GOLGA1: variants seen among roughly 807,000 people sequenced by gnomAD.
The protein encoded by GOLGA1 is golgin subfamily A member 1.
GOLGA1 carries 63 observed loss-of-function variants against 119.7 expected under a neutral mutation model. The ratio of observed to expected loss-of-function variants is 0.53; its 90% confidence interval spans 0.43 to 0.65. The LOEUF (loss-of-function observed/expected upper bound fraction) is 0.65. Ranked by LOEUF, GOLGA1 falls within the 30% of genes least tolerant of loss-of-function variation. The pLI is 0.00. For synonymous variants in GOLGA1, 318 were observed against 333.4 expected, an observed-to-expected ratio of 0.95 and a Z score of 0.50; for missense variants, 798 against 912.8, an observed-to-expected ratio of 0.87 and a Z score of 1.62.
intron 12 of GOLGA1, among the ~76,000 whole-genome samples, chr9:124,902,127 T>A (rs1034706238): frequency 3.3e-5 from 5 of 152,230 alleles, no homozygotes; most frequent in Middle Eastern, 3.4e-3. Flanking sequence ...TATTATTATT[T>A]TTGAGATGGA....
At chr9:124,934,440 G>C (rs529152393) in intron 3 of GOLGA1, among the ~76,000 whole-genome samples, 35 of 152,282 alleles carry the variant, frequency 2.3e-4, no homozygotes, top group African/African-American at 8.2e-4. Flanking sequence ...AGATGCACAA[G>C]AGTCTGTCAG....
intron 11 of GOLGA1, among the ~76,000 whole-genome samples, chr9:124,910,645 T>C (rs1260043409): frequency 6.6e-6 from 1 of 152,166 alleles, no homozygotes; most frequent in Non-Finnish European, 1.5e-5. Context: ...TCCCCAACCC[T>C]TGGGCCACAG....
intron 1 of GOLGA1, chr9:124,947,829 T>C (rs954780451): frequency 5.9e-5 from 9 of 152,198 alleles, no homozygotes; most frequent in Admixed American, 2.0e-4. Flanking sequence ...AGGAGACTCA[T>C]AGCATTCATA....
At chr9:124,899,605 G>A (rs1362867260) in intron 13 of GOLGA1, 127 bp from the exon 14 acceptor site, 1 of 944,456 alleles carries the variant, frequency 1.1e-6, no homozygotes, top group East Asian at 2.7e-5. Flanking sequence ...ATCCCCCCTG[G>A]CGTTGCTGAG....
At chr9:124,899,294 C>A (rs570832497) in intron 14 of GOLGA1, 35 bp downstream of exon 14, 7 of 1,518,904 alleles carry the variant, frequency 4.6e-6, no homozygotes, top group Non-Finnish European at 6.2e-6. Flanking sequence ...GACCCTGGTG[C>A]TCCTGGGCCC....
chr9:124,945,628 T>C (rs1831134096), upstream of GOLGA1: 1 of 152,182 alleles, frequency 6.6e-6, no homozygotes, highest in Non-Finnish European at 1.5e-5. Context: ...AGAATGGTGC[T>C]TCAATCAGTT....
chr9:124,903,804 A>C (rs543398440), intron 12 of GOLGA1, among the ~76,000 whole-genome samples: 4 of 152,184 alleles, frequency 2.6e-5, no homozygotes, highest in Admixed American at 6.5e-5. Context: ...TAATCCCAGC[A>C]CTTTGGGAGG....
At chr9:124,911,803 T>C (rs1830345967) in intron 11 of GOLGA1, 98 bp downstream of exon 11, 1 of 1,043,528 alleles carries the variant, frequency 9.6e-7, no homozygotes, top group Non-Finnish European at 1.4e-6. Context: ...ACCATGCTGT[T>C]TGCTGGCCCT....
chr9:124,928,172 G>A lies in GOLGA1; in HGVS notation c.399+16C>T. ...AATCTTTCCACCAGTTCTGGGCAGT[G>A]CCACATATAAAATACCTGGTCCTTT... is the stretch of plus-strand genomic sequence containing the variant. On this transcript the variant is annotated intron_variant, in intron 6 of 22. Coordinates refer to ENST00000373555, the MANE Select transcript of GOLGA1 (RefSeq NM_002077.4). 2 of 1,220,310 alleles carry A rather than the reference G, an allele frequency of 1.6e-6. No homozygotes were observed. The highest frequency in any genetic ancestry group is 2.4e-6 in the Non-Finnish European group (2 of 829,052). The allele number at this position is 1,220,310 out of a possible 1,614,324, so 75.6% of individuals were successfully genotyped here. A position where few individuals can be genotyped will look rare whatever the true frequency, so the allele number is the denominator to read the frequency against.
At chr9:124,909,566 G>A (rs1008321573) in intron 11 of GOLGA1, among the ~76,000 whole-genome samples, 8 of 140,226 alleles carry the variant, frequency 5.7e-5, no homozygotes, top group African/African-American at 1.6e-4. Context: ...CCGAGATCAC[G>A]CCACTGCACT....
At chr9:124,917,565 A>T (rs1298974668) in intron 10 of GOLGA1, among the ~76,000 whole-genome samples, 2 of 152,168 alleles carry the variant, frequency 1.3e-5, no homozygotes, top group African/African-American at 4.8e-5. Context: ...CACTTGTCAA[A>T]GCCTCCATCA....
chr9:124,933,109 G>C (rs1830803346), intron 3 of GOLGA1, among the ~76,000 whole-genome samples: 1 of 152,162 alleles, frequency 6.6e-6, no homozygotes, highest in South Asian at 2.1e-4. Context: ...ACTAGGAATA[G>C]TGGTGAAACA....
intron 3 of GOLGA1, among the ~76,000 whole-genome samples, chr9:124,935,458 C>G (rs935241532): frequency 2.2e-4 from 34 of 152,080 alleles, no homozygotes; most frequent in African/African-American, 8.2e-4. Flanking sequence ...ATTAGGGATG[C>G]TTAACCTCTG....
At position 124,923,320 on chromosome 9, in the gene GOLGA1, T is replaced by C. The variant is rs1830608039; in HGVS notation, c.433-97A>G. On this transcript the variant is annotated intron_variant, in intron 7 of 22. Transcript: ENST00000373555. ...TTTTCTTTTTTAAAATTTTTGTCTTTAGAGACAGAGTCTCACTAGTTGCCC... is the reference window on the plus strand; with the variant it reads ...TTTTCTTTTTTAAAATTTTTGTCTTCAGAGACAGAGTCTCACTAGTTGCCC... 2.9e-6 allele frequency: 3 copies of C among 1,039,408 alleles called. 1 individual carries two copies. The Middle Eastern group carries it at 6.7e-4, about 233-fold the overall frequency. The allele number at this position is 1,039,408 out of a possible 1,614,324, so 64.4% of individuals were successfully genotyped here.
At chr9:124,896,545 GTCT>G (rs1418047088) in intron 15 of GOLGA1, among the ~76,000 whole-genome samples, 3 of 152,240 alleles carry the variant, frequency 2.0e-5, no homozygotes, top group Non-Finnish European at 4.4e-5. Flanking sequence ...CTCCTAAACA[GTCT>G]TCTTGCTTCT....
chr9:124,895,624 GGAGCCTCCACGACAGA>G (rs1358708452), intron 15 of GOLGA1, among the ~76,000 whole-genome samples: 9 of 126,996 alleles, frequency 7.1e-5, no homozygotes, highest in Middle Eastern at 0.015. Flanking sequence ...TCCACGACAG[GGAGCCTCCACGACAGA>G]GAGCCTCCAC....
chr9:124,942,419 A>G (rs1831066921), upstream of GOLGA1, among the ~76,000 whole-genome samples: 2 of 152,178 alleles, frequency 1.3e-5, no homozygotes, highest in Admixed American at 6.5e-5. Context: ...CAATTCTTCA[A>G]CAGTCCCTTC....
In GOLGA1 at chr9:124,931,369, G is replaced by C; in HGVS notation, c.173C>G (p.Ser58Cys). 1 of 1,598,924 alleles carries C rather than the reference G, an allele frequency of 6.3e-7. No individual in the cohort carries two copies. The highest frequency in any genetic ancestry group is 8.6e-7 in the Non-Finnish European group (1 of 1,166,228). ...DGSSSREDLS[S>C]QLLRRNEQIR... ...CTGTTCATTCCTTCTCAGAAGCTGGGATGAAAGATCTTCTCTGGAGCTGCT... is the reference window on the plus strand; with the variant it reads ...CTGTTCATTCCTTCTCAGAAGCTGGCATGAAAGATCTTCTCTGGAGCTGCT... Residue 58 changes from serine to cysteine, a missense_variant, in exon 4 of 23, where the codon TCC (serine) becomes TGC (cysteine). Ser to Cys is a moderately radical substitution (Grantham distance 112, BLOSUM62 -1). Transcript: ENST00000373555.
chr9:124,944,409 C>T (rs947613598), upstream of GOLGA1: 3 of 151,194 alleles, frequency 2.0e-5, no homozygotes, highest in African/African-American at 7.3e-5. Flanking sequence ...AAGCAGTTCT[C>T]CTGCCTCAGC....
Sources: allele counts gnomAD v4.1 joint callset (sites outside exome capture counted in the v4.1 genomes callset), GRCh38; gene constraint gnomAD v4.1.1; transcripts MANE v1.5; gene names NCBI Gene and HGNC (gene_info 2026-07-23, HGNC 2026-07-21).